Variants in ERC1 observed in about 807,000 individuals in gnomAD.
The protein encoded by ERC1 is RAB6 interacting protein 2.
Under a neutral mutation model 132.0 loss-of-function variants are expected in ERC1, and 56 were observed. The observed-to-expected ratio is 0.42, with a 90% confidence interval of 0.34 to 0.53. ERC1 has a LOEUF of 0.53. Ranked by LOEUF, ERC1 falls within the 20% of genes least tolerant of loss-of-function variation. The pLI, the probability that ERC1 is intolerant of heterozygous loss-of-function variation, is 0.03. For synonymous variants in ERC1, 478 were observed against 476.1 expected, an observed-to-expected ratio of 1.00 and a Z score of -0.05; for missense variants, 1,202 against 1,349.9, an observed-to-expected ratio of 0.89 and a Z score of 1.72.
chr12:1,484,349 A>T (rs1481993182), intron 18 of ERC1, among the ~76,000 whole-genome samples: 1 of 152,076 alleles, frequency 6.6e-6, no homozygotes, highest in African/African-American at 2.4e-5. Context: ...CTTAGTAAAC[A>T]TACTTGTACA....
intron 3 of ERC1, among the ~76,000 whole-genome samples, chr12:1,098,131 A>G (rs901182389): frequency 7.9e-5 from 12 of 152,344 alleles, no homozygotes; most frequent in African/African-American, 2.4e-4. Flanking sequence ...CCTACGCCCC[A>G]TACTAGACAT....
chr12:1,440,465 C>CA (rs1268336004), intron 17 of ERC1, among the ~76,000 whole-genome samples: 2 of 150,258 alleles, frequency 1.3e-5, no homozygotes, highest in Non-Finnish European at 3.0e-5. Flanking sequence ...CTTGGCCTCC[C>CA]AAAGTGCTGC....
At chr12:1,325,818 A>G (rs551522515) in intron 15 of ERC1, among the ~76,000 whole-genome samples, 2 of 152,198 alleles carry the variant, frequency 1.3e-5, no homozygotes, top group African/African-American at 4.8e-5. Flanking sequence ...ATAATATAAG[A>G]TATGCACCCG....
intron 2 of ERC1, among the ~76,000 whole-genome samples, chr12:1,082,626 G>A (rs1942398635): frequency 6.6e-6 from 1 of 151,294 alleles, no homozygotes; most frequent in Non-Finnish European, 1.5e-5. Context: ...GAGTAGCTCA[G>A]ATTACAGGCA....
intron 7 of ERC1, among the ~76,000 whole-genome samples, chr12:1,137,453 G>A (rs1017022505): frequency 6.6e-6 from 1 of 151,924 alleles, no homozygotes; most frequent in Non-Finnish European, 1.5e-5. Context: ...ATTTAACTAC[G>A]CTGAGTCACA....
At chr12:1,134,448 G>C (rs1239939077) in intron 7 of ERC1, among the ~76,000 whole-genome samples, 1 of 151,672 alleles carries the variant, frequency 6.6e-6, no homozygotes, top group Admixed American at 6.6e-5. Flanking sequence ...CTGGGCTCAA[G>C]CGATCTTCCT....
chr12:1,287,301 C>G (rs1455469764), intron 14 of ERC1, among the ~76,000 whole-genome samples: 1 of 152,162 alleles, frequency 6.6e-6, no homozygotes, highest in Admixed American at 6.5e-5. Context: ...AAAACTCTTA[C>G]AAAGTTTATC....
intron 15 of ERC1, among the ~76,000 whole-genome samples, chr12:1,298,542 CAA>C (rs759796167): frequency 1.3e-4 from 10 of 74,798 alleles, no homozygotes; most frequent in Admixed American, 4.7e-4. Context: ...GACTCTGTCA[CAA>C]AAAAAAAAAA....
At position 1,493,551 on chromosome 12, in the gene ERC1, ATAT is replaced by A. The variant is rs2094337939; in HGVS notation, c.*3322_*3324del. On this transcript the variant is annotated 3_prime_UTR_variant, in exon 19 of 19. Transcript: ENST00000360905. ...CCATTTAAAAAAAAAAAAAAAAAAT[ATAT>A]ATATATATATATATATATATATATG... The A allele has an allele frequency of 6.0e-5, 5 of 83,464 alleles. No homozygotes were observed. Among genetic ancestry groups the A allele is most frequent in the African/African-American group, 1.8e-4 (4 of 22,560 alleles). 5.2% of individuals were successfully genotyped at this position (83,464 alleles called of 1,614,324 possible). A position where few individuals can be genotyped will look rare whatever the true frequency, so the allele number is the denominator to read the frequency against.
At chr12:1,246,420 T>C (rs1459871349) in intron 13 of ERC1, among the ~76,000 whole-genome samples, 9 of 152,090 alleles carry the variant, frequency 5.9e-5, no homozygotes, top group Admixed American at 3.9e-4. Context: ...AATACATAAA[T>C]AAATGGCATA....
At chr12:1,218,855 C>CACAT (rs1958686075) in intron 12 of ERC1, among the ~76,000 whole-genome samples, 1 of 140,078 alleles carries the variant, frequency 7.1e-6, no homozygotes, top group East Asian at 2.1e-4. Context: ...CACACACACA[C>CACAT]ATATATATAT....
chr12:1,386,947 C>G (rs1050794126), intron 16 of ERC1: 3 of 152,232 alleles, frequency 2.0e-5, no homozygotes, highest in Admixed American at 6.5e-5. Flanking sequence ...CCACCACAGG[C>G]AGAGGGCACA....
chr12:1,278,253 C>T lies in ERC1; in HGVS notation c.2620-11599C>T, dbSNP rs184024357. 1.1e-3 allele frequency among the ~76,000 whole-genome samples: 165 copies of T among 152,298 alleles called. 1 individual carries two copies. Among genetic ancestry groups the T allele is most frequent in the Middle Eastern group, 3.4e-3 (1 of 294 alleles). ...CTGTACCCTGCCCTACCAGAAATCT[C>T]CATGTTTAGACTTCTCCTTCTTTTG... On this transcript the variant is annotated intron_variant, in intron 14 of 18. Coordinates refer to ENST00000360905, the MANE Select transcript of ERC1 (RefSeq NM_178040.4).
intron 2 of ERC1, among the ~76,000 whole-genome samples, chr12:1,046,743 A>G (rs1292393350): frequency 6.6e-6 from 1 of 152,190 alleles, no homozygotes; most frequent in African/African-American, 2.4e-5. Context: ...TTTATGAGGT[A>G]GGTACTGTTT....
intron 18 of ERC1, among the ~76,000 whole-genome samples, chr12:1,481,080 A>T (rs1412241495): frequency 6.6e-6 from 1 of 152,222 alleles, no homozygotes; most frequent in Non-Finnish European, 1.5e-5. Flanking sequence ...TAATAATAAA[A>T]TAGGACAGTT....
intron 8 of ERC1, among the ~76,000 whole-genome samples, chr12:1,142,306 G>A (rs569914603): frequency 1.7e-4 from 26 of 152,002 alleles, no homozygotes; most frequent in African/African-American, 6.3e-4. Context: ...ATATATTTTG[G>A]TATTCTTTCC....
At chr12:1,038,925 A>G (rs1412734933) in intron 2 of ERC1, among the ~76,000 whole-genome samples, 1 of 152,166 alleles carries the variant, frequency 6.6e-6, no homozygotes, top group African/African-American at 2.4e-5. Context: ...GGATATAGGC[A>G]GGGAACGATG....
At chr12:1,440,006 G>A (rs2093058594) in intron 17 of ERC1, among the ~76,000 whole-genome samples, 1 of 152,058 alleles carries the variant, frequency 6.6e-6, no homozygotes, top group Non-Finnish European at 1.5e-5. Flanking sequence ...TATACTAGTT[G>A]GGCAGTTTCA....
intron 3 of ERC1, among the ~76,000 whole-genome samples, chr12:1,095,140 A>AT (rs1358482610): frequency 6.6e-6 from 1 of 152,118 alleles, no homozygotes; most frequent in Admixed American, 6.5e-5. Context: ...GAATTATTAA[A>AT]TTTTGTTTCT....
Sources: allele counts gnomAD v4.1 joint callset (sites outside exome capture counted in the v4.1 genomes callset), GRCh38; gene constraint gnomAD v4.1.1; transcripts MANE v1.5; gene names NCBI Gene and HGNC (gene_info 2026-07-23, HGNC 2026-07-21).